TBC1D19: variants seen among roughly 807,000 people sequenced by gnomAD.
The protein encoded by TBC1D19 is TBC1 domain family member 19.
A neutral mutation model predicts 89.0 loss-of-function variants in TBC1D19; 60 were observed. The ratio of observed to expected loss-of-function variants is 0.67; its 90% CI spans 0.55 to 0.84. TBC1D19 has a LOEUF of 0.84. Ranked by LOEUF, TBC1D19 falls within the 40% of genes least tolerant of loss-of-function variation. The pLI, the probability that TBC1D19 is intolerant of heterozygous loss-of-function variation, is 0.00. For missense variants in TBC1D19, 500 were observed against 610.8 expected, an observed-to-expected ratio of 0.82 and a Z score of 1.91; for synonymous variants, 189 against 199.7, an observed-to-expected ratio of 0.95 and a Z score of 0.45.
intron 1 of TBC1D19, among the ~76,000 whole-genome samples, chr4:26,577,420 G>A (rs1738997928): frequency 6.6e-6 from 1 of 152,100 alleles, no homozygotes; most frequent in East Asian, 1.9e-4. Flanking sequence ...GGAGGACTCT[G>A]CTGGTCTGGA....
At chr4:26,762,249 A>G in the TBC1D19 span, among the ~76,000 whole-genome samples, 4 of 152,228 alleles carry the variant, frequency 2.6e-5, no homozygotes, top group African/African-American at 9.6e-5. Flanking sequence ...CTGATCATTC[A>G]CATGGCTTCT....
chr4:26,756,658 T>G (rs1292949387), downstream of TBC1D19, among the ~76,000 whole-genome samples: 3 of 152,174 alleles, frequency 2.0e-5, no homozygotes, highest in Non-Finnish European at 4.4e-5. Flanking sequence ...TGAAAGTAAT[T>G]TTTTAAACTG....
At chr4:26,781,192 T>C in the TBC1D19 span, among the ~76,000 whole-genome samples, 1 of 152,194 alleles carries the variant, frequency 6.6e-6, no homozygotes, top group Non-Finnish European at 1.5e-5. Context: ...TCTCACCAGC[T>C]CTCTAGGTGA....
intron 1 of TBC1D19, among the ~76,000 whole-genome samples, chr4:26,606,395 C>T (rs1741004299): frequency 6.6e-6 from 1 of 152,088 alleles, no homozygotes; most frequent in Non-Finnish European, 1.5e-5. Context: ...AGAGAAGACC[C>T]AATAGCTATC....
intron 7 of TBC1D19, among the ~76,000 whole-genome samples, chr4:26,645,284 A>G (rs908425296): frequency 2.6e-5 from 4 of 152,356 alleles, no homozygotes; most frequent in East Asian, 3.8e-4. Flanking sequence ...CCAAAAGAGC[A>G]TGGTACTGGT....
In TBC1D19 at chr4:26,636,015, T is replaced by G. The variant is rs553487265; in HGVS notation, c.295-1196T>G. ...CACTTATTGAATGATAATTATCATA[T>G]TATGCCACTGTTTGAGTCAGTTTAC... On this transcript the variant is annotated intron_variant, in intron 4 of 20. Coordinates refer to ENST00000264866, the MANE Select transcript of TBC1D19 (RefSeq NM_018317.4). Among the ~76,000 whole-genome samples, 182 of 152,248 alleles carry G rather than the reference T, an allele frequency of 1.2e-3. 5 individuals are homozygous for G. In the South Asian group the frequency reaches 0.036, roughly 30 times the overall value.
chr4:26,810,088 C>T, the TBC1D19 span, among the ~76,000 whole-genome samples: 16 of 152,198 alleles, frequency 1.1e-4, no homozygotes, highest in African/African-American at 3.4e-4. Flanking sequence ...ATACATGCCC[C>T]TGAGAGCAGC....
intron 13 of TBC1D19, among the ~76,000 whole-genome samples, chr4:26,697,411 A>G (rs1172648926): frequency 1.3e-5 from 2 of 152,196 alleles, no homozygotes; most frequent in Non-Finnish European, 2.9e-5. Context: ...AGGGGGATTC[A>G]TAGCCGAATT....
At chr4:26,672,724 A>G (rs1208742685) in intron 10 of TBC1D19, among the ~76,000 whole-genome samples, 1 of 151,960 alleles carries the variant, frequency 6.6e-6, no homozygotes, top group Non-Finnish European at 1.5e-5. Flanking sequence ...TGAGATATGA[A>G]GTACAGATTG....
upstream of TBC1D19, among the ~76,000 whole-genome samples, chr4:26,582,714 G>T (rs936591020): frequency 1.3e-4 from 20 of 152,202 alleles, no homozygotes; most frequent in African/African-American, 3.9e-4. Context: ...TAGAGAGTCT[G>T]TCATTAATTG....
chr4:26,825,777 G>A, the TBC1D19 span, among the ~76,000 whole-genome samples: 1 of 152,208 alleles, frequency 6.6e-6, no homozygotes, highest in African/African-American at 2.4e-5. Context: ...TTTCTCAACT[G>A]TAAAACAGGG....
chr4:26,712,318 C>T (rs1469794856), intron 13 of TBC1D19, among the ~76,000 whole-genome samples: 1 of 151,886 alleles, frequency 6.6e-6, no homozygotes, highest in Non-Finnish European at 1.5e-5. Flanking sequence ...TGTGGATGCT[C>T]CAGAGGAGAA....
At chr4:26,796,275 A>G in the TBC1D19 span, among the ~76,000 whole-genome samples, 1 of 152,158 alleles carries the variant, frequency 6.6e-6, no homozygotes, top group Non-Finnish European at 1.5e-5. Flanking sequence ...AATTTGGCCA[A>G]ATTGCCCAGG....
At chr4:26,740,087 T>C (rs995930106) in intron 17 of TBC1D19, 114 bp downstream of exon 17, 7 of 519,748 alleles carry the variant, frequency 1.3e-5, no homozygotes, top group Non-Finnish European at 6.5e-6. Flanking sequence ...TAATTTGTGA[T>C]GTCAAGCAAT....
At chr4:26,825,122 CA>C in the TBC1D19 span, among the ~76,000 whole-genome samples, 2 of 148,550 alleles carry the variant, frequency 1.3e-5, no homozygotes, top group Non-Finnish European at 3.0e-5. Flanking sequence ...TTTTTTGAGA[CA>C]GAGTCTCACT....
chr4:26,842,456 C>G, the TBC1D19 span, among the ~76,000 whole-genome samples: 1 of 150,684 alleles, frequency 6.6e-6, no homozygotes, highest in Non-Finnish European at 1.5e-5. Flanking sequence ...GTGATCCCCC[C>G]ACCACAGGGT....
rs1350040584 is a variant in TBC1D19 at position 26,755,197 on chromosome 4, A to G, written c.*250A>G. The G allele has an allele frequency of 9.3e-5, 15 of 160,436 alleles. No homozygotes were observed. The highest frequency in any genetic ancestry group is 1.6e-4 in the Non-Finnish European group (12 of 74,878). 9.9% of individuals were successfully genotyped at this position (160,436 alleles called of 1,614,324 possible). A position where few individuals can be genotyped will look rare whatever the true frequency, so the allele number is the denominator to read the frequency against. ...ACTTCTGCTAAATTGAGCATTATAT[A>G]TATAATATTATAATATATATATAAT... is the stretch of plus-strand genomic sequence containing the variant. On this transcript the variant is annotated 3_prime_UTR_variant, in exon 21 of 21. Transcript: ENST00000264866.
At chr4:26,689,594 G>A (rs1714104219) in intron 13 of TBC1D19, among the ~76,000 whole-genome samples, 1 of 151,948 alleles carries the variant, frequency 6.6e-6, no homozygotes, top group Non-Finnish European at 1.5e-5. Context: ...TCACATTTTG[G>A]TAATTCTTAA....
chr4:26,635,413 G>T (rs1033979726), intron 4 of TBC1D19, among the ~76,000 whole-genome samples: 12 of 151,964 alleles, frequency 7.9e-5, no homozygotes, highest in Non-Finnish European at 1.8e-4. Flanking sequence ...ATAAGTCTGG[G>T]ATCTAAGAGA....
Sources: gnomAD v4.1 joint callset for allele counts (sites outside exome capture counted in the v4.1 genomes callset) on GRCh38, gnomAD v4.1.1 for gene constraint, MANE v1.5 for transcripts, NCBI Gene and HGNC (gene_info 2026-07-23, HGNC 2026-07-21) for gene names.